RPS6KC1: variants seen among roughly 807,000 people sequenced by gnomAD.
The protein encoded by RPS6KC1 is inactive ribosomal protein S6 kinase delta-1.
A neutral mutation model predicts 103.8 loss-of-function variants in RPS6KC1; 54 were observed. That is an observed-to-expected ratio of 0.52 (90% CI 0.42 to 0.65). The LOEUF (loss-of-function observed/expected upper bound fraction) is 0.65. Ranked by LOEUF, RPS6KC1 falls within the 30% of genes least tolerant of loss-of-function variation. The pLI is 0.00. For missense variants in RPS6KC1, 1,151 were observed against 1,253.8 expected (o/e 0.92, Z 1.24); for synonymous variants, 439 against 438.7 (o/e 1.00, Z -0.01).
the RPS6KC1 span, among the ~76,000 whole-genome samples, chr1:213,610,922 A>G: frequency 1.3e-5 from 2 of 152,224 alleles, no homozygotes; most frequent in Non-Finnish European, 2.9e-5. Context: ...TGCTGGATAC[A>G]TAGACTCAAG....
chr1:213,661,782 C>G, the RPS6KC1 span, among the ~76,000 whole-genome samples: 4 of 152,100 alleles, frequency 2.6e-5, no homozygotes, highest in African/African-American at 9.7e-5. Flanking sequence ...GTAGATACCC[C>G]TTAAAACATT....
At chr1:213,722,108 ATGTACTC>A in the RPS6KC1 span, among the ~76,000 whole-genome samples, 2 of 152,118 alleles carry the variant, frequency 1.3e-5, no homozygotes, top group Admixed American at 1.3e-4. Context: ...TGGAGTCTGC[ATGTACTC>A]CAGGCAGAAA....
At chr1:213,171,601 A>G (rs1370680918) in intron 7 of RPS6KC1, among the ~76,000 whole-genome samples, 1 of 152,218 alleles carries the variant, frequency 6.6e-6, no homozygotes, top group East Asian at 1.9e-4. Flanking sequence ...ATTAATATGT[A>G]GAATGTGTGC....
intron 4 of RPS6KC1, among the ~76,000 whole-genome samples, chr1:213,109,233 T>C (rs868669254): frequency 1.8e-4 from 28 of 152,072 alleles, no homozygotes; most frequent in African/African-American, 6.8e-4. Flanking sequence ...ACCTCCCGGG[T>C]TCATGCCATT....
the RPS6KC1 span, among the ~76,000 whole-genome samples, chr1:213,388,573 G>T: frequency 1.3e-5 from 2 of 152,258 alleles, no homozygotes; most frequent in Non-Finnish European, 2.9e-5. Context: ...CTTTGGTGAG[G>T]TGAGGGATGC....
the RPS6KC1 span, among the ~76,000 whole-genome samples, chr1:213,481,203 G>A: frequency 1.3e-5 from 2 of 152,138 alleles, no homozygotes; most frequent in East Asian, 3.8e-4. Flanking sequence ...TTCTGTCCCT[G>A]AAGATTTGGT....
At chr1:213,392,056 C>A in the RPS6KC1 span, among the ~76,000 whole-genome samples, 2 of 152,078 alleles carry the variant, frequency 1.3e-5, no homozygotes, top group African/African-American at 4.8e-5. Context: ...AGGGCTTGGC[C>A]ATAGGGGAGT....
the RPS6KC1 span, among the ~76,000 whole-genome samples, chr1:213,549,869 A>G: frequency 6.6e-6 from 1 of 151,918 alleles, no homozygotes; most frequent in Non-Finnish European, 1.5e-5. Flanking sequence ...ATACTAAAAT[A>G]GGCCCCAAAC....
the RPS6KC1 span, among the ~76,000 whole-genome samples, chr1:213,620,815 C>A: frequency 6.6e-6 from 1 of 152,156 alleles, no homozygotes; most frequent in Non-Finnish European, 1.5e-5. Context: ...TTGACTCCAC[C>A]ATACCTAACC....
chr1:213,480,263 G>GTTTTAT, the RPS6KC1 span, among the ~76,000 whole-genome samples: 1 of 151,918 alleles, frequency 6.6e-6, no homozygotes, highest in African/African-American at 2.4e-5. Flanking sequence ...ATTTATTCCA[G>GTTTTAT]TTTTATTTTT....
chr1:213,490,758 T>C, the RPS6KC1 span, among the ~76,000 whole-genome samples: 1 of 152,214 alleles, frequency 6.6e-6, no homozygotes, highest in Admixed American at 6.5e-5. Flanking sequence ...GAAAAGCTGC[T>C]TGCTTTAAAG....
intron 8 of RPS6KC1, among the ~76,000 whole-genome samples, chr1:213,189,732 A>G (rs1375337104): frequency 6.6e-6 from 1 of 152,080 alleles, no homozygotes; most frequent in Admixed American, 6.6e-5. Flanking sequence ...TTGTTTTATC[A>G]AATTCTAGTT....
chr1:213,486,218 G>C, the RPS6KC1 span, among the ~76,000 whole-genome samples: 1 of 152,286 alleles, frequency 6.6e-6, no homozygotes, highest in South Asian at 2.1e-4. Context: ...TGTATTTACT[G>C]TTTGTAGGAA....
At chr1:213,767,921 C>T in the RPS6KC1 span, among the ~76,000 whole-genome samples, 7 of 152,194 alleles carry the variant, frequency 4.6e-5, no homozygotes, top group African/African-American at 7.2e-5. Context: ...CTGGTCACGC[C>T]GCAAGCATTC....
chr1:213,750,687 A>G, the RPS6KC1 span, among the ~76,000 whole-genome samples: 2 of 152,108 alleles, frequency 1.3e-5, no homozygotes, highest in African/African-American at 4.8e-5. Flanking sequence ...GCATCCAGGT[A>G]GAGATTTAAT....
chr1:213,688,070 G>C, the RPS6KC1 span, among the ~76,000 whole-genome samples: 1 of 152,108 alleles, frequency 6.6e-6, no homozygotes, highest in Non-Finnish European at 1.5e-5. Flanking sequence ...CATTTAATTA[G>C]CTTCCCCCTT....
rs373953056 is a variant in RPS6KC1, at chr1:213,077,571, A to G, written c.142-125A>G. ...TAGTTAATTTCAGTCAGTTAATCAT[A>G]TTGTTTAGGACATGTGTTTGCCTTT... On this transcript the variant is annotated intron_variant, in intron 2 of 14. Coordinates refer to ENST00000366960, the MANE Select transcript of RPS6KC1 (RefSeq NM_012424.6). 21 of 465,252 alleles carry G rather than the reference A, an allele frequency of 4.5e-5. 3 individuals carry two copies. Among genetic ancestry groups the G allele is most frequent in the African/African-American group, 1.8e-4 (9 of 50,164 alleles). The allele number at this position is 465,252 out of a possible 1,614,324, so 28.8% of individuals were successfully genotyped here.
At chr1:213,597,409 C>T in the RPS6KC1 span, among the ~76,000 whole-genome samples, 2 of 152,106 alleles carry the variant, frequency 1.3e-5, no homozygotes, top group East Asian at 1.9e-4. Flanking sequence ...CCATGGGCTA[C>T]ATCCCAGAGC....
chr1:213,159,774 ATC>A lies in RPS6KC1; in HGVS notation c.836-8079_836-8078del, dbSNP rs141539441. Among the ~76,000 whole-genome samples the A allele has an allele frequency of 2.2e-3, 335 of 152,310 alleles. 2 individuals are homozygous for A. Among genetic ancestry groups the A allele is most frequent in the Non-Finnish European group, 2.9e-3 (200 of 68,012 alleles). Reference sequence around the variant, plus strand: ...TTCTCGAAGTGTTTTTTATTAGTCGATCTCTCATCAGTATCACCACATTTTTA... The same window carrying A: ...TTCTCGAAGTGTTTTTTATTAGTCGATCTCATCAGTATCACCACATTTTTA... On this transcript the variant is annotated intron_variant, in intron 6 of 14. Transcript: ENST00000366960.
Sources: gnomAD v4.1 joint callset for allele counts (sites outside exome capture counted in the v4.1 genomes callset) on GRCh38, gnomAD v4.1.1 for gene constraint, MANE v1.5 for transcripts, NCBI Gene and HGNC (gene_info 2026-07-23, HGNC 2026-07-21) for gene names.